CSMD1: variants seen among roughly 807,000 people sequenced by gnomAD.
The protein encoded by CSMD1 is CUB and sushi domain-containing protein 1.
A neutral mutation model predicts 417.5 loss-of-function variants in CSMD1; 213 were observed. The ratio of observed to expected loss-of-function variants is 0.51; its 90% CI spans 0.46 to 0.57. The LOEUF is 0.57. CSMD1 is among the 20% of genes least tolerant of loss of function. The pLI, the probability that CSMD1 is intolerant of heterozygous loss-of-function variation, is 0.00. For missense variants in CSMD1, 6,923 were observed against 4,529.7 expected (o/e 1.53, Z -15.17); for synonymous variants, 2,862 against 1,736.8 (o/e 1.65, Z -16.11).
chr8:4,787,860 G>A (rs1040434353), intron 1 of CSMD1: 5 of 1,575,028 alleles, frequency 3.2e-6, no homozygotes, highest in Non-Finnish European at 4.4e-6. Flanking sequence ...GGTTGCCCCA[G>A]AATTGTACAC....
Position 4,542,723 on chromosome 8 carries a change from C to T in CSMD1, c.302+94619G>A, listed in dbSNP as rs192794697. Among the ~76,000 whole-genome samples the T allele has an allele frequency of 1.9e-3, 284 of 151,804 alleles. 8 individuals carry two copies. In the East Asian group the frequency reaches 0.028, roughly 15 times the overall value. ...TATTTAAATTAGGGAACATATAATT[C>T]AATGGATGGTCATGAAAAAAATAAG... On this transcript the variant is annotated intron_variant, in intron 2 of 69. Transcript: ENST00000635120.
intron 12 of CSMD1, among the ~76,000 whole-genome samples, chr8:3,425,112 T>C (rs539913918): frequency 6.6e-6 from 1 of 152,172 alleles, no homozygotes; most frequent in African/African-American, 2.4e-5. Flanking sequence ...AGCGCCACCA[T>C]GCTTGTCCTA....
intron 2 of CSMD1, among the ~76,000 whole-genome samples, chr8:4,490,747 G>C (rs1042550085): frequency 2.0e-5 from 3 of 152,166 alleles, no homozygotes; most frequent in Non-Finnish European, 4.4e-5. Flanking sequence ...GGATAACCCA[G>C]GGTCAGATTG....
At chr8:4,901,027 T>A (rs187551030) in intron 1 of CSMD1, among the ~76,000 whole-genome samples, 48 of 152,328 alleles carry the variant, frequency 3.2e-4, no homozygotes, top group African/African-American at 1.1e-3. Flanking sequence ...AATGCCGATG[T>A]TCAACAAATT....
intron 2 of CSMD1, among the ~76,000 whole-genome samples, chr8:4,533,304 T>C (rs1015044663): frequency 6.6e-6 from 1 of 152,240 alleles, no homozygotes; most frequent in Non-Finnish European, 1.5e-5. Flanking sequence ...AGCCAAGTTG[T>C]CATGACACAA....
intron 3 of CSMD1, among the ~76,000 whole-genome samples, chr8:4,359,416 T>C (rs1423303630): frequency 6.6e-6 from 1 of 152,216 alleles, no homozygotes; most frequent in Non-Finnish European, 1.5e-5. Flanking sequence ...TAGAGAAGCT[T>C]TGTTTTTCTT....
At chr8:4,432,387 C>G (rs183926521) in intron 2 of CSMD1, among the ~76,000 whole-genome samples, 2 of 152,222 alleles carry the variant, frequency 1.3e-5, no homozygotes, top group East Asian at 1.9e-4. Context: ...TTAACCTACA[C>G]TAAGGCAGGT....
intron 8 of CSMD1, among the ~76,000 whole-genome samples, chr8:3,599,575 A>C (rs576268182): frequency 6.6e-6 from 1 of 152,210 alleles, no homozygotes; most frequent in Non-Finnish European, 1.5e-5. Flanking sequence ...ACAACACTGC[A>C]TTATTAATCA....
At chr8:3,656,178 G>A (rs941173076) in intron 7 of CSMD1, among the ~76,000 whole-genome samples, 2 of 152,184 alleles carry the variant, frequency 1.3e-5, no homozygotes, top group African/African-American at 4.8e-5. Context: ...GCTCAAGTGA[G>A]AATGTTTCCT....
At chr8:4,484,623 G>C (rs937841327) in intron 2 of CSMD1, among the ~76,000 whole-genome samples, 2 of 152,028 alleles carry the variant, frequency 1.3e-5, no homozygotes, top group African/African-American at 2.4e-5. Context: ...TGCTCTATGA[G>C]AGGGAAAGTG....
chr8:3,436,763 G>T (rs551403952), intron 12 of CSMD1, among the ~76,000 whole-genome samples: 3 of 152,170 alleles, frequency 2.0e-5, no homozygotes, highest in Non-Finnish European at 4.4e-5. Context: ...TAGGAGTAAG[G>T]CTTAAAAAAA....
intron 46 of CSMD1, among the ~76,000 whole-genome samples, chr8:3,101,531 T>G (rs1815743451): frequency 6.6e-6 from 1 of 151,984 alleles, no homozygotes; most frequent in African/African-American, 2.4e-5. Flanking sequence ...CACACCATTC[T>G]CCTGCCTCAG....
At chr8:3,106,700 G>C in intron 45 of CSMD1, 59 bp from the exon 46 acceptor site, 1 of 954,354 alleles carries the variant, frequency 1.0e-6, no homozygotes, top group Admixed American at 2.0e-5. Flanking sequence ...GTGTGTGAAG[G>C]TGTGACACAT....
chr8:4,777,494 TAA>T (rs1181246985), intron 1 of CSMD1, among the ~76,000 whole-genome samples: 1 of 152,164 alleles, frequency 6.6e-6, no homozygotes, highest in East Asian at 1.9e-4. Flanking sequence ...GATTTAAGAA[TAA>T]AACAATCATC....
At chr8:3,951,079 A>C (rs571277573) in intron 5 of CSMD1, among the ~76,000 whole-genome samples, 1 of 152,340 alleles carries the variant, frequency 6.6e-6, no homozygotes, top group East Asian at 1.9e-4. Flanking sequence ...ATAATACTTG[A>C]ATTTTATACA....
At chr8:3,486,971 TG>T (rs1174690265) in intron 11 of CSMD1, among the ~76,000 whole-genome samples, 5 of 152,160 alleles carry the variant, frequency 3.3e-5, no homozygotes, top group Admixed American at 3.3e-4. Flanking sequence ...TCCTGAAGCT[TG>T]CTACTCAATC....
rs117399378 is a variant in CSMD1, at chr8:4,935,505, G to C, written c.85+58827C>G. Among the ~76,000 whole-genome samples the C allele has an allele frequency of 2.4e-3, 370 of 152,260 alleles. 1 individual carries two copies. The highest frequency in any genetic ancestry group is 3.2e-3 in the Non-Finnish European group (221 of 68,010). On this transcript the variant is annotated intron_variant, in intron 1 of 69. Transcript: ENST00000635120. ...TCAGTGTGAATCCATTAAGCCATGT[G>C]TTTCATGAATGAACGAATGAATGAA...
At chr8:4,526,890 T>C (rs1042543181) in intron 2 of CSMD1, among the ~76,000 whole-genome samples, 2 of 152,148 alleles carry the variant, frequency 1.3e-5, no homozygotes, top group Admixed American at 1.3e-4. Context: ...TCCAGAAGAC[T>C]ATTGTGAATG....
intron 18 of CSMD1, among the ~76,000 whole-genome samples, chr8:3,382,281 A>G (rs2116777688): frequency 6.7e-6 from 1 of 150,262 alleles, no homozygotes; most frequent in Admixed American, 6.7e-5. Flanking sequence ...ATTCCTAGTC[A>G]GCACTGGAAT....
Sources: allele counts gnomAD v4.1 joint callset (sites outside exome capture counted in the v4.1 genomes callset), GRCh38; gene constraint gnomAD v4.1.1; transcripts MANE v1.5; gene names NCBI Gene and HGNC (gene_info 2026-07-23, HGNC 2026-07-21).